Variants in OCA2 observed in about 807,000 individuals in gnomAD.
The protein encoded by OCA2 is P protein.
Under a neutral mutation model 100.2 loss-of-function variants are expected in OCA2, and 77 were observed. That is an observed-to-expected ratio of 0.77 (90% confidence interval 0.64 to 0.93). The LOEUF is 0.93. Among genes scored for constraint, OCA2 ranks in the 40% least tolerant of loss-of-function variants. The pLI, the probability that OCA2 is intolerant of heterozygous loss-of-function variation, is 0.00. For synonymous variants in OCA2, 432 were observed against 439.2 expected, an observed-to-expected ratio of 0.98 and a Z score of 0.21; for missense variants, 1,062 against 1,089.1, an observed-to-expected ratio of 0.98 and a Z score of 0.35.
chr15:28,012,505 T>G (rs1284256292), intron 9 of OCA2, among the ~76,000 whole-genome samples: 3 of 152,146 alleles, frequency 2.0e-5, no homozygotes, highest in Admixed American at 1.3e-4. Flanking sequence ...CTGGTTTCTG[T>G]GTGGTGGCCT....
intron 2 of OCA2, among the ~76,000 whole-genome samples, chr15:28,070,200 G>A (rs867456770): frequency 4.3e-4 from 56 of 130,300 alleles, no homozygotes; most frequent in South Asian, 1.5e-3. Context: ...GAGCCCCTCC[G>A]CCCAGCAGCT....
At position 27,920,345 on chromosome 15, in the gene OCA2, T is replaced by C. The variant is rs146823188; in HGVS notation, c.2079+5782A>G. On this transcript the variant is annotated intron_variant, in intron 19 of 23. Transcript: ENST00000354638. ...TAACTATGCTAACATCAGACAAAAC[T>C]GACCTTAAGACAAAAATTGTTTTTA... 3.6e-3 allele frequency among the ~76,000 whole-genome samples: 548 copies of C among 152,262 alleles called. 14 individuals are homozygous for C. The highest frequency in any genetic ancestry group is 0.034 in the Admixed American group (518 of 15,286).
chr15:27,743,172 T>C, the OCA2 span, among the ~76,000 whole-genome samples: 1 of 152,110 alleles, frequency 6.6e-6, no homozygotes, highest in Non-Finnish European at 1.5e-5. Flanking sequence ...TCAAAAGGCA[T>C]CTGCAGGGGA....
intron 23 of OCA2, among the ~76,000 whole-genome samples, chr15:27,823,316 G>A (rs980181080): frequency 2.0e-5 from 3 of 152,168 alleles, no homozygotes; most frequent in African/African-American, 7.2e-5. Flanking sequence ...ATATGCTAAT[G>A]AAGAAGAAAG....
intron 23 of OCA2, among the ~76,000 whole-genome samples, chr15:27,800,923 C>A (rs1030028420): frequency 1.3e-5 from 2 of 151,828 alleles, no homozygotes; most frequent in African/African-American, 2.4e-5. Flanking sequence ...ACCAAGACTG[C>A]ATCACTGTAC....
Position 27,755,106 on chromosome 15 carries a change from T to C in OCA2, c.*282A>G, listed in dbSNP as rs2030234896. On this transcript the variant is annotated 3_prime_UTR_variant, in exon 24 of 24. Coordinates refer to ENST00000354638, the MANE Select transcript of OCA2 (RefSeq NM_000275.3). ...TTTTCCTATGTATAGCAGGAAGGGTTTTTAAACATACGTATTTTTCTGGAG... is the reference window on the plus strand; with the variant it reads ...TTTTCCTATGTATAGCAGGAAGGGTCTTTAAACATACGTATTTTTCTGGAG... 1 of 411,334 alleles carries C rather than the reference T, an allele frequency of 2.4e-6. No individual in the cohort carries two copies. The highest frequency in any genetic ancestry group is 3.5e-5 in the Admixed American group (1 of 28,438). 25.5% of individuals were successfully genotyped at this position (411,334 alleles called of 1,614,324 possible).
Position 28,081,665 on chromosome 15 carries a change from T to C in OCA2, c.210A>G (p.Ser70=). Residue 70 remains serine, a synonymous_variant, in exon 2 of 24, where the codon TCA becomes TCG. Transcript: ENST00000354638. ...AAACTCACCTCCCTTTTGTGAGGAATGAAGCAAACTCCTGGCCTGCAGGAG... is the reference window on the plus strand; with the variant it reads ...AAACTCACCTCCCTTTTGTGAGGAACGAAGCAAACTCCTGGCCTGCAGGAG... ...SWAPAGQEFA[S]FLTKGRSHSS... 1 of 1,613,782 alleles carries C rather than the reference T, an allele frequency of 6.2e-7. No individual in the cohort carries two copies. The highest frequency in any genetic ancestry group is 1.1e-5 in the South Asian group (1 of 91,074).
chr15:28,017,339 C>A (rs1298624606), intron 7 of OCA2, among the ~76,000 whole-genome samples: 1 of 152,102 alleles, frequency 6.6e-6, no homozygotes, highest in Non-Finnish European at 1.5e-5. Context: ...CCCAAGAGAG[C>A]AGGGAGGTGC....
At chr15:27,894,236 C>G (rs545191348) in intron 19 of OCA2, among the ~76,000 whole-genome samples, 13 of 152,186 alleles carry the variant, frequency 8.5e-5, no homozygotes, top group Non-Finnish European at 1.9e-4. Context: ...TCTCCCACTC[C>G]CACCAGAGCT....
At position 27,755,308 on chromosome 15, in the gene OCA2, T is replaced by G; in HGVS notation, c.*80A>C. On this transcript the variant is annotated 3_prime_UTR_variant, in exon 24 of 24. Transcript: ENST00000354638. ...TAAGCACCTTTTCTTCTTCAAACAGTGGGGTCAGGGTAGTTTTATGACTAA... is the reference window on the plus strand; with the variant it reads ...TAAGCACCTTTTCTTCTTCAAACAGGGGGGTCAGGGTAGTTTTATGACTAA... The G allele has an allele frequency of 9.8e-7, 1 of 1,018,078 alleles. No individual in the cohort carries two copies. The highest frequency in any genetic ancestry group is 1.6e-6 in the Non-Finnish European group (1 of 642,118). 63.1% of individuals were successfully genotyped at this position (1,018,078 alleles called of 1,614,324 possible).
intron 17 of OCA2, among the ~76,000 whole-genome samples, chr15:27,953,447 A>C (rs992309393): frequency 2.0e-5 from 3 of 152,152 alleles, no homozygotes; most frequent in Admixed American, 6.5e-5. Flanking sequence ...ATTTTCCTAC[A>C]TGATTCTGTG....
chr15:28,059,583 C>G (rs974157190), intron 2 of OCA2, among the ~76,000 whole-genome samples: 2 of 152,178 alleles, frequency 1.3e-5, no homozygotes, highest in Admixed American at 1.3e-4. Context: ...TAAGACAAAT[C>G]TAAATTTGAG....
intron 4 of OCA2, among the ~76,000 whole-genome samples, chr15:28,027,232 TACTCCC>T (rs1313399263): frequency 1.3e-5 from 2 of 152,088 alleles, no homozygotes; most frequent in African/African-American, 2.4e-5. Flanking sequence ...CACGCATGCG[TACTCCC>T]ACTCCCACGC....
chr15:27,839,805 A>G (rs1457907117), intron 23 of OCA2, among the ~76,000 whole-genome samples: 3 of 152,242 alleles, frequency 2.0e-5, no homozygotes, highest in African/African-American at 7.2e-5. Context: ...ATCATTGGGT[A>G]GATTTGAGAA....
At chr15:27,739,587 AG>A in the OCA2 span, among the ~76,000 whole-genome samples, 1 of 151,552 alleles carries the variant, frequency 6.6e-6, no homozygotes, top group Non-Finnish European at 1.5e-5. Flanking sequence ...CTGGAACTAC[AG>A]GCGCCCACCA....
downstream of OCA2, among the ~76,000 whole-genome samples, chr15:27,752,565 A>G (rs1595354435): frequency 3.3e-5 from 5 of 152,046 alleles, no homozygotes; most frequent in South Asian, 1.0e-3. Flanking sequence ...CTCCTGCCAC[A>G]CTCCCATTCC....
chr15:27,939,942 CACTG>C (rs1430919586), intron 18 of OCA2, among the ~76,000 whole-genome samples: 1 of 152,216 alleles, frequency 6.6e-6, no homozygotes. Flanking sequence ...CCACCCAGGT[CACTG>C]ACTGCACAAC....
chr15:27,808,463 C>T (rs76184116), intron 23 of OCA2, among the ~76,000 whole-genome samples: 3,009 of 152,262 alleles, frequency 0.02, 85 homozygotes, highest in African/African-American at 0.067. Flanking sequence ...ACCGTCCAAC[C>T]GTACAACTGT....
At chr15:27,877,445 G>C (rs1567051422) in intron 19 of OCA2, among the ~76,000 whole-genome samples, 1 of 151,742 alleles carries the variant, frequency 6.6e-6, no homozygotes, top group East Asian at 1.9e-4. Context: ...TTCTATGATT[G>C]TGGAATTGTC....
Sources: allele counts gnomAD v4.1 joint callset (sites outside exome capture counted in the v4.1 genomes callset), GRCh38; gene constraint gnomAD v4.1.1; transcripts MANE v1.5; gene names NCBI Gene and HGNC (gene_info 2026-07-23, HGNC 2026-07-21).